CEP41: variants seen among roughly 807,000 people sequenced by gnomAD.
The protein encoded by CEP41 is centrosomal protein of 41 kDa.
In CEP41, 32 loss-of-function variants were observed where a neutral mutation model predicts 44.3. The ratio of observed to expected loss-of-function variants is 0.72; its 90% CI spans 0.54 to 0.97. The LOEUF (loss-of-function observed/expected upper bound fraction) is 0.97. CEP41 is among the 50% of genes least tolerant of loss of function. The probability of loss-of-function intolerance (pLI) is 0.00; values close to 1 mark genes in which losing one functional copy is unlikely to be tolerated. For missense variants in CEP41, 432 were observed against 455.2 expected (o/e 0.95, Z 0.46); for synonymous variants, 151 against 168.5 (o/e 0.90, Z 0.80).
Position 130,402,717 on chromosome 7 carries a change from G to A in CEP41, c.505C>T (p.Pro169Ser). 1 of 1,614,152 alleles carries A rather than the reference G, an allele frequency of 6.2e-7. No homozygotes were observed. Among genetic ancestry groups the A allele is most frequent in the East Asian group, 2.2e-5 (1 of 44,882 alleles). ...AEPHTKDKPY[P>S]DCPFLLLDVR... ...TCTAGCAGCAGGAAGGGGCAGTCAG[G>A]ATAAGGTTTGTCTTTGGTATGGGGC... The change falls in exon 7 of 11, where the codon CCT becomes TCT. Residue 169 changes from proline to serine, a missense_variant. Transcript: ENST00000223208.
chr7:130,417,071 G>T, intron 2 of CEP41, 105 bp from the exon 3 acceptor site: 2 of 1,351,672 alleles, frequency 1.5e-6, no homozygotes, highest in Non-Finnish European at 2.1e-6. Context: ...TTCCTATCCT[G>T]TTCTTAGGGG....
At chr7:130,410,307 G>A (rs148866589) in intron 5 of CEP41, among the ~76,000 whole-genome samples, 4 of 152,072 alleles carry the variant, frequency 2.6e-5, no homozygotes, top group Admixed American at 1.3e-4. Flanking sequence ...GATTATGGGG[G>A]TGAGGCACTG....
intron 8 of CEP41, chr7:130,401,220 A>T (rs1554416852): frequency 4.5e-6 from 1 of 222,908 alleles, no homozygotes; most frequent in Non-Finnish European, 9.0e-6. Flanking sequence ...TAAAAAGTCC[A>T]AAATAAAGGA....
intron 1 of CEP41, among the ~76,000 whole-genome samples, 197 bp from the exon 2 acceptor site, chr7:130,428,215 G>A (rs1031887770): frequency 1.1e-4 from 16 of 151,936 alleles, no homozygotes; most frequent in Admixed American, 9.8e-4. Context: ...CCTAAGGTCA[G>A]GAGTTCGAGG....
intron 5 of CEP41, among the ~76,000 whole-genome samples, chr7:130,405,510 G>A (rs183157556): frequency 2.6e-5 from 4 of 152,300 alleles, no homozygotes; most frequent in Admixed American, 1.3e-4. Flanking sequence ...AGGAACCGAA[G>A]TATGGGGAGC....
intron 2 of CEP41, among the ~76,000 whole-genome samples, chr7:130,418,509 C>A (rs1797403513): frequency 6.6e-6 from 1 of 152,142 alleles, no homozygotes; most frequent in Non-Finnish European, 1.5e-5. Flanking sequence ...AAATATTTTA[C>A]CCAGTAGCTT....
At position 130,398,734 on chromosome 7, in the gene CEP41, G is replaced by T. The variant is rs1562975631; in HGVS notation, c.*157C>A. The T allele has an allele frequency of 1.1e-6, 1 of 925,144 alleles. No homozygotes were observed. Among genetic ancestry groups the T allele is most frequent in the Non-Finnish European group, 1.8e-6 (1 of 564,780 alleles). The allele number at this position is 925,144 out of a possible 1,614,324, so 57.3% of individuals were successfully genotyped here. ...TCCTTCCTGAGGTGGCCTCCTGAGGGGAGAGGAACTGGAGACAGGGACAGG... is the reference window on the plus strand; with the variant it reads ...TCCTTCCTGAGGTGGCCTCCTGAGGTGAGAGGAACTGGAGACAGGGACAGG... On this transcript the variant is annotated 3_prime_UTR_variant, in exon 11 of 11. Transcript: ENST00000223208.
chr7:130,407,851 A>G (rs923570156), intron 5 of CEP41, among the ~76,000 whole-genome samples: 1 of 152,210 alleles, frequency 6.6e-6, no homozygotes, highest in Admixed American at 6.5e-5. Flanking sequence ...CATATATATC[A>G]AAAACCAACA....
chr7:130,428,128 G>A, intron 1 of CEP41, 110 bp from the exon 2 acceptor site: 1 of 777,864 alleles, frequency 1.3e-6, no homozygotes, highest in Non-Finnish European at 2.2e-6. Context: ...AAATTTCTTA[G>A]AAATTAAAGA....
intron 3 of CEP41, among the ~76,000 whole-genome samples, chr7:130,413,839 C>T (rs1236454071): frequency 6.6e-6 from 1 of 152,068 alleles, no homozygotes; most frequent in Non-Finnish European, 1.5e-5. Flanking sequence ...GAACTCTGCC[C>T]GCCCTCATGC....
chr7:130,422,064 G>A, intron 2 of CEP41: 3 of 1,531,588 alleles, frequency 2.0e-6, no homozygotes, highest in Non-Finnish European at 2.6e-6. Flanking sequence ...TCTAGCCATG[G>A]CTGCACTCAG....
intron 5 of CEP41, among the ~76,000 whole-genome samples, chr7:130,406,346 G>A (rs1242375943): frequency 1.3e-5 from 2 of 152,164 alleles, no homozygotes; most frequent in Non-Finnish European, 2.9e-5. Context: ...CACTTTGGGA[G>A]GCTGAGGCGG....
In CEP41 at chr7:130,399,145, A is replaced by T. The variant is rs1396525052; in HGVS notation, c.974-106T>A. The T allele has an allele frequency of 3.5e-5, 49 of 1,388,358 alleles. No homozygotes were observed. The Middle Eastern group carries it at 9.5e-4, about 27-fold the overall frequency. 86.0% of individuals were successfully genotyped at this position (1,388,358 alleles called of 1,614,324 possible). A position where few individuals can be genotyped will look rare whatever the true frequency, so the allele number is the denominator to read the frequency against. On this transcript the variant is annotated intron_variant, in intron 10 of 10. Coordinates refer to ENST00000223208, the MANE Select transcript of CEP41 (RefSeq NM_018718.3). ...AAGTCCTAGCCTACAACCACTTTTAAGCTAATGAAGTCCTATGCAGTATCT... is the reference window on the plus strand; with the variant it reads ...AAGTCCTAGCCTACAACCACTTTTATGCTAATGAAGTCCTATGCAGTATCT...
At chr7:130,440,780 CGG>C in intron 1 of CEP41, 152 bp downstream of exon 1, 3 of 529,006 alleles carry the variant, frequency 5.7e-6, no homozygotes, top group East Asian at 4.1e-5. Context: ...CCCCCAAGCC[CGG>C]CCCGCCCCGC....
chr7:130,412,861 CTACT>C (rs1797224016), intron 3 of CEP41, among the ~76,000 whole-genome samples: 1 of 152,182 alleles, frequency 6.6e-6, no homozygotes, highest in South Asian at 2.1e-4. Flanking sequence ...AAAAATTAAC[CTACT>C]TAGTTTCGCA....
At chr7:130,402,060 G>C in intron 7 of CEP41, 112 bp from the exon 8 acceptor site, 1 of 763,344 alleles carries the variant, frequency 1.3e-6, no homozygotes, top group South Asian at 1.4e-5. Context: ...AAATCCATGA[G>C]CTGCTGGGCA....
rs1797793662 is a variant in CEP41, at chr7:130,430,529, C to T, written c.34-2511G>A. 2.6e-5 allele frequency among the ~76,000 whole-genome samples: 4 copies of T among 152,254 alleles called. No homozygotes were observed. In the South Asian group the frequency reaches 8.3e-4, roughly 32 times the overall value. On this transcript the variant is annotated intron_variant, in intron 1 of 10. Transcript: ENST00000223208. ...ACTATAATGCCAATTTCAATTCCTT[C>T]CCTAGAGAAAGACAGAGCAGATTCT...
rs912265806 is a variant in CEP41, at chr7:130,397,161, T to C, written c.*1730A>G. ...AAAGAAAATACAAAGCCAGAGCATTTTGGCATTAGCAAAGGCTGAACTAAG... is the reference window on the plus strand; with the variant it reads ...AAAGAAAATACAAAGCCAGAGCATTCTGGCATTAGCAAAGGCTGAACTAAG... On this transcript the variant is annotated 3_prime_UTR_variant, in exon 11 of 11. Transcript: ENST00000223208. 1.3e-5 allele frequency: 6 copies of C among 454,420 alleles called. No homozygotes were observed. The highest frequency in any genetic ancestry group is 1.0e-4 in the African/African-American group (5 of 50,002). 28.1% of individuals were successfully genotyped at this position (454,420 alleles called of 1,614,324 possible).
chr7:130,399,671 T>C, intron 10 of CEP41: 1 of 251,454 alleles, frequency 4.0e-6, no homozygotes, highest in Non-Finnish European at 7.8e-6. Flanking sequence ...TACAAAAAAA[T>C]TAGCCTGGTG....
Sources: allele counts gnomAD v4.1 joint callset (sites outside exome capture counted in the v4.1 genomes callset), GRCh38; gene constraint gnomAD v4.1.1; transcripts MANE v1.5; gene names NCBI Gene and HGNC (gene_info 2026-07-23, HGNC 2026-07-21).